Variants in LINGO2 observed in about 807,000 individuals in gnomAD.
LINGO2 encodes leucine rich repeat and Ig domain containing 2.
In LINGO2, 14 loss-of-function variants were observed where a neutral mutation model predicts 30.6. The ratio of observed to expected loss-of-function variants is 0.46; its 90% CI spans 0.30 to 0.72. LINGO2 has a LOEUF of 0.72. Among genes scored for constraint, LINGO2 ranks in the 30% least tolerant of loss-of-function variants. The probability of loss-of-function intolerance (pLI) is 0.07; values close to 1 mark genes in which losing one functional copy is unlikely to be tolerated. For missense variants in LINGO2, 729 were observed against 751.7 expected, an observed-to-expected ratio of 0.97 and a Z score of 0.35; for synonymous variants, 317 against 288.5, an observed-to-expected ratio of 1.10 and a Z score of -1.00.
intron 4 of LINGO2, among the ~76,000 whole-genome samples, chr9:28,089,633 C>T (rs1346505048): frequency 6.6e-6 from 1 of 152,046 alleles, no homozygotes; most frequent in African/African-American, 2.4e-5. Context: ...AAATTGACAA[C>T]CTAACATCAC....
At chr9:28,612,629 T>C (rs1825968985) in intron 1 of LINGO2, among the ~76,000 whole-genome samples, 1 of 152,186 alleles carries the variant, frequency 6.6e-6, no homozygotes, top group Non-Finnish European at 1.5e-5. Flanking sequence ...TGGGTGTATT[T>C]ATGCAATGCC....
intron 4 of LINGO2, among the ~76,000 whole-genome samples, chr9:28,175,287 G>T (rs561021944): frequency 5.3e-5 from 8 of 152,132 alleles, no homozygotes; most frequent in African/African-American, 1.9e-4. Flanking sequence ...AAATGCAGGT[G>T]ATCTTCAAGA....
At chr9:28,399,318 A>T (rs1822171111) in intron 2 of LINGO2, among the ~76,000 whole-genome samples, 1 of 152,218 alleles carries the variant, frequency 6.6e-6, no homozygotes, top group South Asian at 2.1e-4. Flanking sequence ...TATCCTAGGG[A>T]AATAGTAATG....
the LINGO2 span, among the ~76,000 whole-genome samples, chr9:28,900,027 C>A: frequency 3.3e-5 from 5 of 152,330 alleles, no homozygotes; most frequent in Non-Finnish European, 7.3e-5. Flanking sequence ...GGCCGACAGC[C>A]TCTCAGACCT....
At chr9:28,036,767 A>G (rs183138534) in intron 4 of LINGO2, among the ~76,000 whole-genome samples, 18 of 152,162 alleles carry the variant, frequency 1.2e-4, no homozygotes, top group Middle Eastern at 3.4e-3. Flanking sequence ...CACGTGTAAG[A>G]TAAGAGACAA....
Position 28,147,677 on chromosome 9 carries a change from G to A in LINGO2, c.-86-135272C>T, listed in dbSNP as rs373150982. Among the ~76,000 whole-genome samples, 13 of 152,248 alleles carry A rather than the reference G, an allele frequency of 8.5e-5. No homozygotes were observed. The highest frequency in any genetic ancestry group is 2.1e-4 in the South Asian group (1 of 4,832). On this transcript the variant is annotated intron_variant, in intron 4 of 5. Transcript: ENST00000379992. This position sits in a 1 kb window ranked among gnomAD's most constrained non-coding sequence, Gnocchi z 4.7. ...GGAAGGGCTCTGGCGGATCAGCCCC[G>A]CACCCCCAACAGCCCCACGGGGGGG...
At chr9:28,014,067 C>T (rs1234125931) in intron 4 of LINGO2, among the ~76,000 whole-genome samples, 2 of 152,168 alleles carry the variant, frequency 1.3e-5, no homozygotes, top group Non-Finnish European at 2.9e-5. Context: ...CCAGCAAGTG[C>T]AGCCTTTTTT....
chr9:28,054,224 A>G (rs1019665023), intron 4 of LINGO2, among the ~76,000 whole-genome samples: 21 of 152,116 alleles, frequency 1.4e-4, no homozygotes, highest in African/African-American at 5.1e-4. Context: ...GCCAGACAGA[A>G]AAATCCAAAG....
At chr9:28,805,425 A>G in the LINGO2 span, among the ~76,000 whole-genome samples, 1 of 152,152 alleles carries the variant, frequency 6.6e-6, no homozygotes, top group Non-Finnish European at 1.5e-5. Flanking sequence ...TGGCAAAAAT[A>G]TATCTACCAC....
intron 1 of LINGO2, among the ~76,000 whole-genome samples, chr9:28,484,652 G>T (rs1410184835): frequency 6.6e-6 from 1 of 152,002 alleles, no homozygotes; most frequent in East Asian, 1.9e-4. Context: ...TGACATTTCT[G>T]GAGCTACTAG....
the LINGO2 span, among the ~76,000 whole-genome samples, chr9:29,135,456 G>A: frequency 1.1e-4 from 17 of 151,808 alleles, no homozygotes; most frequent in Non-Finnish European, 2.4e-4. Flanking sequence ...TACTTGGGAG[G>A]CTGAGGCAGG....
chr9:28,238,320 A>G (rs1484718950), intron 4 of LINGO2, among the ~76,000 whole-genome samples: 1 of 152,160 alleles, frequency 6.6e-6, no homozygotes, highest in Non-Finnish European at 1.5e-5. Flanking sequence ...TATACAGAAC[A>G]TTTCATCCAA....
At chr9:28,496,216 T>G (rs1295052578) in intron 1 of LINGO2, among the ~76,000 whole-genome samples, 2 of 151,996 alleles carry the variant, frequency 1.3e-5, no homozygotes, top group Non-Finnish European at 2.9e-5. Context: ...GGATATCCTT[T>G]CTAACTTTCT....
At chr9:28,196,482 G>A (rs1820017358) in intron 4 of LINGO2, among the ~76,000 whole-genome samples, 1 of 151,382 alleles carries the variant, frequency 6.6e-6, no homozygotes, top group Non-Finnish European at 1.5e-5. Flanking sequence ...GTAAATTAGA[G>A]GAAAATACCC....
At chr9:27,988,075 T>A (rs149120359) in intron 5 of LINGO2, among the ~76,000 whole-genome samples, 114 of 152,168 alleles carry the variant, frequency 7.5e-4, no homozygotes, top group African/African-American at 2.7e-3. Flanking sequence ...ATAGTTTAAT[T>A]CCCACCTATG....
the LINGO2 span, among the ~76,000 whole-genome samples, chr9:29,096,182 G>A: frequency 7.2e-6 from 1 of 139,108 alleles, no homozygotes; most frequent in Non-Finnish European, 1.6e-5. Context: ...GAAGACAGGA[G>A]GAGTCTGCTC....
intron 4 of LINGO2, among the ~76,000 whole-genome samples, chr9:28,268,964 G>T (rs940653154): frequency 2.6e-5 from 4 of 152,018 alleles, no homozygotes; most frequent in Non-Finnish European, 5.9e-5. Flanking sequence ...CTTTGGCAGT[G>T]GTCATACTGA....
chr9:27,949,537 G>T (rs1356863550), exon 6 of LINGO2: 5 of 1,614,078 alleles, frequency 3.1e-6, no homozygotes, highest in Middle Eastern at 1.7e-4. Flanking sequence ...CACATAGGTT[G>T]CTGGCCACCA....
intron 1 of LINGO2, among the ~76,000 whole-genome samples, chr9:28,564,538 C>G (rs1204736826): frequency 2.0e-5 from 3 of 152,094 alleles, no homozygotes; most frequent in East Asian, 1.9e-4. Context: ...GAGGAATCTA[C>G]TAAGAGCACT....
Sources: gnomAD v4.1 joint callset for allele counts (sites outside exome capture counted in the v4.1 genomes callset) on GRCh38, gnomAD v4.1.1 for gene constraint, Gnocchi (gnomAD v3.1) non-coding constraint, MANE v1.5 for transcripts, NCBI Gene and HGNC (gene_info 2026-07-23, HGNC 2026-07-21) for gene names.